LDLRAD4: variants seen among roughly 807,000 people sequenced by gnomAD.
LDLRAD4 encodes low-density lipoprotein receptor class A domain-containing protein 4.
A neutral mutation model predicts 17.0 loss-of-function variants in LDLRAD4; 5 were observed. The observed-to-expected ratio is 0.29, with a 90% CI of 0.15 to 0.62. The LOEUF (loss-of-function observed/expected upper bound fraction) is 0.62, where lower values mean the gene tolerates loss of function less well. LDLRAD4 is among the 20% of genes least tolerant of loss of function. LDLRAD4 has a pLI of 0.84. For synonymous variants in LDLRAD4, 168 were observed against 171.8 expected, an observed-to-expected ratio of 0.98 and a Z score of 0.17; for missense variants, 340 against 424.7, an observed-to-expected ratio of 0.80 and a Z score of 1.75.
intron 4 of LDLRAD4, chr18:13,642,227 G>C: frequency 1.0e-6 from 1 of 986,208 alleles, no homozygotes; most frequent in Non-Finnish European, 1.2e-6. Flanking sequence ...GCCGTCCCTC[G>C]CTGCTGGCGC....
intron 1 of LDLRAD4, among the ~76,000 whole-genome samples, chr18:13,225,180 G>A (rs531285819): frequency 6.6e-6 from 1 of 152,340 alleles, no homozygotes; most frequent in South Asian, 2.1e-4. Context: ...AATGAATCAT[G>A]CATATTGACG....
intron 1 of LDLRAD4, among the ~76,000 whole-genome samples, chr18:13,325,408 C>CA (rs2081466364): frequency 6.6e-6 from 1 of 152,196 alleles, no homozygotes; most frequent in South Asian, 2.1e-4. Flanking sequence ...CGGCTCCAAC[C>CA]AGAGTTCTGC....
intron 3 of LDLRAD4, among the ~76,000 whole-genome samples, chr18:13,466,200 G>A (rs1229398798): frequency 1.3e-5 from 2 of 152,206 alleles, no homozygotes; most frequent in Non-Finnish European, 2.9e-5. Context: ...CCTGGGCACG[G>A]TGGCTCAGGC....
At chr18:13,381,461 C>G (rs2085359314) in intron 1 of LDLRAD4, among the ~76,000 whole-genome samples, 1 of 152,208 alleles carries the variant, frequency 6.6e-6, no homozygotes, top group Admixed American at 6.5e-5. Flanking sequence ...CCAGTTTCAC[C>G]TCCTCATTGT....
chr18:13,617,270 T>C (rs992621203), intron 3 of LDLRAD4, among the ~76,000 whole-genome samples: 1 of 152,182 alleles, frequency 6.6e-6, no homozygotes, highest in African/African-American at 2.4e-5. Context: ...CACTGTTTCA[T>C]ACAACTGAGA....
chr18:13,456,708 T>C (rs931892606), intron 3 of LDLRAD4, among the ~76,000 whole-genome samples: 1 of 152,238 alleles, frequency 6.6e-6, no homozygotes, highest in Non-Finnish European at 1.5e-5. Context: ...AGTTTGCTTT[T>C]TAAAAGGGTA....
chr18:13,473,569 G>C (rs1160289512), intron 3 of LDLRAD4, among the ~76,000 whole-genome samples: 1 of 145,470 alleles, frequency 6.9e-6, no homozygotes, highest in African/African-American at 2.6e-5. Context: ...GAGCCCAGTT[G>C]GAGGCTGCAG....
chr18:13,454,177 C>T (rs1054457017), intron 3 of LDLRAD4, among the ~76,000 whole-genome samples: 1 of 152,192 alleles, frequency 6.6e-6, no homozygotes, highest in Non-Finnish European at 1.5e-5. Flanking sequence ...CAAGCAGACT[C>T]AGTGTTCACG....
chr18:13,503,773 C>A (rs1215435984), intron 3 of LDLRAD4, among the ~76,000 whole-genome samples: 1 of 21,412 alleles, frequency 4.7e-5, no homozygotes. Flanking sequence ...AAGACTGGCT[C>A]TTGTTTTAAA....
intron 1 of LDLRAD4, among the ~76,000 whole-genome samples, chr18:13,255,792 G>T (rs2043471515): frequency 6.6e-6 from 1 of 152,182 alleles, no homozygotes; most frequent in South Asian, 2.1e-4. Flanking sequence ...ATGCACTGAG[G>T]TGGAGAGCTG....
chr18:13,217,830 C>T (rs2041242889), upstream of LDLRAD4: 1 of 151,832 alleles, frequency 6.6e-6, no homozygotes, highest in Non-Finnish European at 1.5e-5. This position sits in a 1 kb window ranked among gnomAD's most constrained non-coding sequence, Gnocchi z 4.9. Flanking sequence ...CGGGGATCCC[C>T]TGCAAGCCAC....
intron 3 of LDLRAD4, among the ~76,000 whole-genome samples, chr18:13,458,762 G>T (rs2092278957): frequency 6.6e-6 from 1 of 152,356 alleles, no homozygotes; most frequent in East Asian, 1.9e-4. Context: ...TTTCCCAGCT[G>T]TGCTCAGAAC....
chr18:13,579,032 T>C (rs2094819266), intron 3 of LDLRAD4, among the ~76,000 whole-genome samples: 1 of 151,436 alleles, frequency 6.6e-6, no homozygotes, highest in South Asian at 2.1e-4. Flanking sequence ...CTACTAAAAA[T>C]ACAAAAAATT....
intron 1 of LDLRAD4, among the ~76,000 whole-genome samples, chr18:13,307,860 T>C (rs1425289966): frequency 6.6e-6 from 1 of 152,258 alleles, no homozygotes; most frequent in Non-Finnish European, 1.5e-5. Flanking sequence ...AATAGGCCAT[T>C]AGTAGTTACA....
intron 3 of LDLRAD4, among the ~76,000 whole-genome samples, chr18:13,442,518 G>A (rs914402631): frequency 6.6e-6 from 1 of 152,220 alleles, no homozygotes; most frequent in African/African-American, 2.4e-5. Flanking sequence ...CGTGGGGCAC[G>A]GCTGAGAAAG....
intron 1 of LDLRAD4, among the ~76,000 whole-genome samples, chr18:13,371,783 AAGAG>A (rs1225198462): frequency 2.0e-5 from 3 of 152,024 alleles, no homozygotes; most frequent in African/African-American, 7.2e-5. Flanking sequence ...GAGAGAGAGA[AAGAG>A]AGAGAGAAAG....
chr18:13,308,454 C>T (rs942674844), intron 1 of LDLRAD4, among the ~76,000 whole-genome samples: 2 of 152,218 alleles, frequency 1.3e-5, no homozygotes, highest in Non-Finnish European at 2.9e-5. Context: ...AAGGCCAGAG[C>T]GTGTGCATTT....
intron 1 of LDLRAD4, among the ~76,000 whole-genome samples, chr18:13,309,712 C>CG (rs1485308861): frequency 6.6e-6 from 1 of 151,884 alleles, no homozygotes; most frequent in Non-Finnish European, 1.5e-5. Context: ...TCCTGTGGCT[C>CG]GGGAGGTGTG....
intron 3 of LDLRAD4, among the ~76,000 whole-genome samples, chr18:13,531,955 T>A (rs1397982709): frequency 2.6e-5 from 4 of 152,194 alleles, no homozygotes; most frequent in Non-Finnish European, 5.9e-5. Flanking sequence ...AGTGGCTGTT[T>A]GTGCTGTGTG....
Sources: gnomAD v4.1 joint callset for allele counts (sites outside exome capture counted in the v4.1 genomes callset) on GRCh38, gnomAD v4.1.1 for gene constraint, Gnocchi (gnomAD v3.1) non-coding constraint, MANE v1.5 for transcripts, NCBI Gene and HGNC (gene_info 2026-07-23, HGNC 2026-07-21) for gene names.